Variants in RRAS2 observed in about 807,000 individuals in gnomAD.
RRAS2 encodes the protein RAS related 2.
Under a neutral mutation model 27.6 loss-of-function variants are expected in RRAS2, and 7 were observed. The ratio of observed to expected loss-of-function variants is 0.25; its 90% confidence interval spans 0.14 to 0.48. The LOEUF (loss-of-function observed/expected upper bound fraction) is 0.48. Ranked by LOEUF, RRAS2 falls within the 20% of genes least tolerant of loss-of-function variation. The pLI is 0.99. For synonymous variants in RRAS2, 86 were observed against 90.9 expected, an observed-to-expected ratio of 0.95 and a Z score of 0.31; for missense variants, 178 against 256.2, an observed-to-expected ratio of 0.69 and a Z score of 2.08.
At chr11:14,288,313 T>A (rs1232021211) in intron 4 of RRAS2, among the ~76,000 whole-genome samples, 1 of 152,228 alleles carries the variant, frequency 6.6e-6, no homozygotes, top group African/African-American at 2.4e-5. Flanking sequence ...TTCACATCAC[T>A]GTCTTCCAGG....
intron 1 of RRAS2, among the ~76,000 whole-genome samples, chr11:14,301,085 G>C (rs151235339): frequency 6.6e-6 from 1 of 152,296 alleles, no homozygotes; most frequent in African/African-American, 2.4e-5. Context: ...TCATTCTCAG[G>C]AAAGTCGTAG....
chr11:14,284,616 G>T (rs895434299), intron 4 of RRAS2, among the ~76,000 whole-genome samples: 7 of 152,086 alleles, frequency 4.6e-5, no homozygotes, highest in Admixed American at 1.3e-4. Context: ...TTTTAAGTGT[G>T]AATTTGTCTA....
chr11:14,341,054 T>C (rs1388443135), intron 1 of RRAS2, among the ~76,000 whole-genome samples: 2 of 152,146 alleles, frequency 1.3e-5, no homozygotes, highest in Non-Finnish European at 2.9e-5. Flanking sequence ...ATGATGAAAA[T>C]AAGATTCCTG....
At chr11:14,333,654 C>CTT in intron 1 of RRAS2, among the ~76,000 whole-genome samples, 1 of 144,546 alleles carries the variant, frequency 6.9e-6, no homozygotes, top group South Asian at 2.3e-4. Context: ...CACCCTGCCC[C>CTT]TTTTTTTTTG....
At chr11:14,314,899 C>T (rs1253592621) in intron 1 of RRAS2, among the ~76,000 whole-genome samples, 1 of 152,140 alleles carries the variant, frequency 6.6e-6, no homozygotes, top group African/African-American at 2.4e-5. Context: ...GTTGGCCAGG[C>T]TGGTCTCAAA....
Position 14,320,903 on chromosome 11 carries a change from G to A in RRAS2, c.109-25048C>T, listed in dbSNP as rs374086516. 3.7e-4 allele frequency among the ~76,000 whole-genome samples: 57 copies of A among 152,280 alleles called. 1 individual carries two copies. The highest frequency in any genetic ancestry group is 1.3e-3 in the African/African-American group (55 of 41,564). ...TTTAAAAAAATGGTTGCAAATGGCTGGGCATAGTGGCTCACGCCTATAATC... is the reference window on the plus strand; with the variant it reads ...TTTAAAAAAATGGTTGCAAATGGCTAGGCATAGTGGCTCACGCCTATAATC... On this transcript the variant is annotated intron_variant, in intron 1 of 5. Coordinates refer to ENST00000256196, the MANE Select transcript of RRAS2 (RefSeq NM_012250.6).
At chr11:14,309,751 A>G (rs1186682015) in intron 1 of RRAS2, among the ~76,000 whole-genome samples, 1 of 152,200 alleles carries the variant, frequency 6.6e-6, no homozygotes, top group Non-Finnish European at 1.5e-5. Flanking sequence ...AGCTACAACA[A>G]CAAACATGAG....
chr11:14,322,949 A>T (rs1309285621), intron 1 of RRAS2, among the ~76,000 whole-genome samples: 1 of 152,248 alleles, frequency 6.6e-6, no homozygotes, highest in Non-Finnish European at 1.5e-5. Flanking sequence ...AATATAACCT[A>T]ATGGTAAAAA....
chr11:14,337,838 A>T (rs1848618475), intron 1 of RRAS2, among the ~76,000 whole-genome samples: 2 of 152,228 alleles, frequency 1.3e-5, no homozygotes, highest in Non-Finnish European at 2.9e-5. Flanking sequence ...GGAGAAATCA[A>T]GACCTTCTCA....
intron 2 of RRAS2, among the ~76,000 whole-genome samples, chr11:14,295,476 G>C (rs1554946456): frequency 1.3e-5 from 2 of 152,144 alleles, no homozygotes; most frequent in African/African-American, 4.8e-5. Context: ...AGGAAGAGTT[G>C]AGACCTGACA....
At chr11:14,362,636 A>T (rs1043874311), upstream of RRAS2, among the ~76,000 whole-genome samples, 3 of 152,228 alleles carry the variant, frequency 2.0e-5, no homozygotes, top group Non-Finnish European at 4.4e-5. Context: ...TTCATGAAAA[A>T]GAATGATCTA....
At chr11:14,354,496 A>T (rs1849030327) in intron 1 of RRAS2, 1 of 152,148 alleles carries the variant, frequency 6.6e-6, no homozygotes, top group Non-Finnish European at 1.5e-5. Context: ...TCACCTGAAT[A>T]CCACACAGAA....
chr11:14,290,132 C>A (rs1165485433), intron 4 of RRAS2, among the ~76,000 whole-genome samples: 1 of 152,110 alleles, frequency 6.6e-6, no homozygotes, highest in Admixed American at 6.5e-5. Context: ...TAGACGGACA[C>A]CTTTAATTGT....
chr11:14,339,970 A>G (rs1848667430), intron 1 of RRAS2, among the ~76,000 whole-genome samples: 1 of 151,750 alleles, frequency 6.6e-6, no homozygotes, highest in Non-Finnish European at 1.5e-5. Context: ...ACACAAAAAA[A>G]TAGCCGGGTG....
Position 14,278,114 on chromosome 11 carries a change from T to A in RRAS2, c.*1223A>T, listed in dbSNP as rs1273010674. 2.6e-5 allele frequency: 4 copies of A among 152,238 alleles called. No homozygotes were observed. The highest frequency in any genetic ancestry group is 9.6e-5 in the African/African-American group (4 of 41,480). 9.4% of individuals were successfully genotyped at this position (152,238 alleles called of 1,614,324 possible). ...GAATTAAAAACAAAATCAGATGCCA[T>A]CCACAGTTATACTAATTATCCATTA... On this transcript the variant is annotated 3_prime_UTR_variant, in exon 6 of 6. Transcript: ENST00000256196.
chr11:14,312,712 C>A (rs965448425), intron 1 of RRAS2, among the ~76,000 whole-genome samples: 2 of 152,206 alleles, frequency 1.3e-5, no homozygotes, highest in Non-Finnish European at 2.9e-5. Context: ...TGAGCCACTG[C>A]ACCCAGCCAG....
intron 1 of RRAS2, among the ~76,000 whole-genome samples, chr11:14,348,223 T>C (rs11023194): frequency 0.3 from 45,939 of 152,080 alleles, 7,799 homozygotes; most frequent in South Asian, 0.43. Context: ...ATTATTATTA[T>C]GTAGAGTAAC....
intron 1 of RRAS2, among the ~76,000 whole-genome samples, chr11:14,351,654 C>T (rs1158258208): frequency 6.6e-6 from 1 of 151,404 alleles, no homozygotes; most frequent in Non-Finnish European, 1.5e-5. Context: ...GGCTTGAGCC[C>T]GGGAGGTGGA....
At chr11:14,332,921 T>G (rs782222415) in intron 1 of RRAS2, among the ~76,000 whole-genome samples, 11 of 152,214 alleles carry the variant, frequency 7.2e-5, no homozygotes, top group Non-Finnish European at 1.6e-4. Flanking sequence ...AATATCATTT[T>G]ATATCAATTA....
Sources: allele counts gnomAD v4.1 joint callset (sites outside exome capture counted in the v4.1 genomes callset), GRCh38; gene constraint gnomAD v4.1.1; transcripts MANE v1.5; gene names NCBI Gene and HGNC (gene_info 2026-07-23, HGNC 2026-07-21).